PPP2R3A: variants seen among roughly 807,000 people sequenced by gnomAD.
PPP2R3A encodes serine/threonine-protein phosphatase 2A regulatory subunit B'' subunit alpha.
In PPP2R3A, 80 loss-of-function variants were observed where a neutral mutation model predicts 106.9. That is an observed-to-expected ratio of 0.75 (90% CI 0.62 to 0.90). The LOEUF (loss-of-function observed/expected upper bound fraction) is 0.90. Among genes scored for constraint, PPP2R3A ranks in the 40% least tolerant of loss-of-function variants. The pLI, the probability that PPP2R3A is intolerant of heterozygous loss-of-function variation, is 0.00. For missense variants in PPP2R3A, 1,386 were observed against 1,350.4 expected (o/e 1.03, Z -0.41); for synonymous variants, 483 against 468.3 (o/e 1.03, Z -0.41).
intron 13 of PPP2R3A, among the ~76,000 whole-genome samples, chr3:136,136,059 AAAAAAAAAAAAAAATTAT>A (rs1375931586): frequency 4.3e-5 from 2 of 46,874 alleles, no homozygotes; most frequent in South Asian, 7.5e-4. Flanking sequence ...AAAAAAAAAA[AAAAAAAAAAAAAAATTAT>A]ATATATATAT....
In PPP2R3A at chr3:136,027,076, A is replaced by G. The variant is rs745457588; in HGVS notation, c.2240A>G (p.Tyr747Cys). The G allele has an allele frequency of 6.2e-7, 1 of 1,613,220 alleles. No individual in the cohort carries two copies. The highest frequency in any genetic ancestry group is 2.2e-5 in the East Asian group (1 of 44,850). The change falls in exon 3 of 14, where the codon TAT becomes TGT. Residue 747 changes from tyrosine to cysteine, a missense_variant. Tyr to Cys is a radical substitution (Grantham distance 194). Coordinates refer to ENST00000264977, the MANE Select transcript of PPP2R3A (RefSeq NM_002718.5). ...ATTGAAGAACAGAAAGCAGACATTT[A>G]TGAAATGGGGAAAATTGCAAAGGTA... ...MDIEEQKADI[Y>C]EMGKIAKVCG... is the part of the protein sequence containing the mutation.
chr3:136,114,738 C>T (rs1937674821), intron 13 of PPP2R3A, among the ~76,000 whole-genome samples: 1 of 152,198 alleles, frequency 6.6e-6, no homozygotes, highest in African/African-American at 2.4e-5. Context: ...TAGATTGCTC[C>T]TCTCTGGGCA....
chr3:136,054,557 T>G (rs1935796727), intron 5 of PPP2R3A, among the ~76,000 whole-genome samples: 1 of 152,196 alleles, frequency 6.6e-6, no homozygotes, highest in South Asian at 2.1e-4. Context: ...GCGTCCAGCC[T>G]ACTTCACAAT....
intron 13 of PPP2R3A, among the ~76,000 whole-genome samples, chr3:136,136,218 G>T (rs1938619082): frequency 6.6e-6 from 1 of 151,588 alleles, no homozygotes; most frequent in African/African-American, 2.4e-5. Flanking sequence ...TAAAAATAAG[G>T]GTACGACTTG....
At position 136,138,694 on chromosome 3, in the gene PPP2R3A, A is replaced by AT. The variant is rs1938722603; in HGVS notation, c.3330-6349_3330-6348insT. Among the ~76,000 whole-genome samples, 4 of 60,996 alleles carry AT rather than the reference A, an allele frequency of 6.6e-5. 1 individual carries two copies. The highest frequency in any genetic ancestry group is 2.7e-4 in the African/African-American group (4 of 14,736). 40.0% of individuals were successfully genotyped at this position (60,996 alleles called of 152,430 possible). On this transcript the variant is annotated intron_variant, in intron 13 of 13. Coordinates refer to ENST00000264977, the MANE Select transcript of PPP2R3A (RefSeq NM_002718.5). ...TAGACTCCAAACTAGAGAAATATTGAATTTTTTTTTTTTTTTTTTTTTTTT... is the reference window on the plus strand; with the variant it reads ...TAGACTCCAAACTAGAGAAATATTGATATTTTTTTTTTTTTTTTTTTTTTTT...
chr3:136,029,724 C>T (rs1304950774), intron 3 of PPP2R3A, among the ~76,000 whole-genome samples: 2 of 152,152 alleles, frequency 1.3e-5, no homozygotes, highest in Admixed American at 6.5e-5. Flanking sequence ...ACCTAATAAT[C>T]GTGGTGCAAT....
chr3:136,016,105 T>C (rs1934258509), intron 2 of PPP2R3A, among the ~76,000 whole-genome samples: 1 of 152,198 alleles, frequency 6.6e-6, no homozygotes. Flanking sequence ...GATTATTTAA[T>C]TTCCATGTAT....
chr3:136,021,726 C>G (rs1386041836), intron 2 of PPP2R3A, among the ~76,000 whole-genome samples: 1 of 152,020 alleles, frequency 6.6e-6, no homozygotes, highest in Non-Finnish European at 1.5e-5. Flanking sequence ...AAACAGCCCT[C>G]TGTATCAATG....
At chr3:135,975,149 GC>G (rs1937380573) in intron 1 of PPP2R3A, among the ~76,000 whole-genome samples, 1 of 152,176 alleles carries the variant, frequency 6.6e-6, no homozygotes, top group African/African-American at 2.4e-5. Context: ...CCCATGGTGG[GC>G]CCTCAATGAG....
chr3:136,043,533 C>T (rs1935368923), intron 4 of PPP2R3A, among the ~76,000 whole-genome samples: 1 of 152,204 alleles, frequency 6.6e-6, no homozygotes, highest in Non-Finnish European at 1.5e-5. Context: ...CAGTATCTCT[C>T]CTCCAAAGGG....
At chr3:135,967,149 C>T (rs1302459262) in intron 1 of PPP2R3A, among the ~76,000 whole-genome samples, 1 of 152,050 alleles carries the variant, frequency 6.6e-6, no homozygotes, top group Non-Finnish European at 1.5e-5. Flanking sequence ...TCACCTCTGG[C>T]AGAAGAACTT....
rs773969022 is a variant in PPP2R3A, at chr3:136,013,157, G to GGTGTGTGT, written c.1995+9683_1995+9690dup. On this transcript the variant is annotated intron_variant, in intron 2 of 13. Coordinates refer to ENST00000264977, the MANE Select transcript of PPP2R3A (RefSeq NM_002718.5). ...TTTTTATGGCTGAATAGTATTCCATGGTGTGTGTGTGTGTGTGTGTGTGTG... is the reference window on the plus strand; with the variant it reads ...TTTTTATGGCTGAATAGTATTCCATGGTGTGTGTGTGTGTGTGTGTGTGTGTGTGTGTG... Among the ~76,000 whole-genome samples, 1,322 of 139,614 alleles carry GGTGTGTGT rather than the reference G, an allele frequency of 9.5e-3. 22 individuals are homozygous for GGTGTGTGT. Among genetic ancestry groups the GGTGTGTGT allele is most frequent in the African/African-American group, 0.035 (1,243 of 35,104 alleles). 91.6% of individuals were successfully genotyped at this position (139,614 alleles called of 152,430 possible).
chr3:136,058,596 A>G (rs1221141695), intron 5 of PPP2R3A, among the ~76,000 whole-genome samples: 2 of 152,180 alleles, frequency 1.3e-5, no homozygotes, highest in Middle Eastern at 3.2e-3. Flanking sequence ...GTCCAAAGCA[A>G]TTTATAGATT....
At chr3:136,127,770 C>T (rs949907944) in intron 13 of PPP2R3A, among the ~76,000 whole-genome samples, 4 of 152,162 alleles carry the variant, frequency 2.6e-5, no homozygotes, top group East Asian at 3.9e-4. Context: ...AGAGAAAGGT[C>T]GGGTTACCCA....
At chr3:136,140,417 G>A (rs1165513157) in intron 13 of PPP2R3A, among the ~76,000 whole-genome samples, 3 of 145,610 alleles carry the variant, frequency 2.1e-5, no homozygotes, top group African/African-American at 7.8e-5. Context: ...CTGTACTCCA[G>A]CCTGGGTGAC....
chr3:135,994,927 T>C (rs6786769), intron 1 of PPP2R3A, among the ~76,000 whole-genome samples: 41,152 of 152,162 alleles, frequency 0.27, 5,929 homozygotes, highest in Non-Finnish European at 0.32. Flanking sequence ...ACCTTTGTTT[T>C]ACAGCAGATC....
At chr3:136,060,782 A>G (rs560011160) in intron 5 of PPP2R3A, among the ~76,000 whole-genome samples, 2 of 152,314 alleles carry the variant, frequency 1.3e-5, no homozygotes, top group East Asian at 3.9e-4. Flanking sequence ...AAAGGATACA[A>G]AATTTCAGCT....
chr3:136,028,938 C>T (rs756252268), intron 3 of PPP2R3A, among the ~76,000 whole-genome samples: 3 of 152,074 alleles, frequency 2.0e-5, no homozygotes, highest in Non-Finnish European at 4.4e-5. Context: ...CCACAATCTC[C>T]ACCTCCCAGA....
intron 5 of PPP2R3A, among the ~76,000 whole-genome samples, chr3:136,058,561 T>G (rs1935960831): frequency 6.6e-6 from 1 of 152,116 alleles, no homozygotes; most frequent in South Asian, 2.1e-4. Context: ...GTAGCAAGAA[T>G]TAATATCACT....
Sources: allele counts gnomAD v4.1 joint callset (sites outside exome capture counted in the v4.1 genomes callset), GRCh38; gene constraint gnomAD v4.1.1; transcripts MANE v1.5; gene names NCBI Gene and HGNC (gene_info 2026-07-23, HGNC 2026-07-21).